RERG: variants seen among roughly 807,000 people sequenced by gnomAD.
RERG encodes the protein RAS like estrogen regulated growth inhibitor, also known as ras-related and estrogen-regulated growth inhibitor.
RERG carries 25 observed loss-of-function variants against 23.2 expected under a neutral mutation model. That is an observed-to-expected ratio of 1.08 (90% CI 0.79 to 1.50). The LOEUF (loss-of-function observed/expected upper bound fraction) is 1.50. Among genes scored for constraint, RERG ranks in the 40% most tolerant of loss-of-function variants. RERG has a pLI of 0.00. For missense variants in RERG, 253 were observed against 250.1 expected (o/e 1.01, Z -0.08); for synonymous variants, 81 against 89.1 (o/e 0.91, Z 0.51).
chr12:15,127,211 C>T (rs1863964364), intron 2 of RERG, among the ~76,000 whole-genome samples: 1 of 152,160 alleles, frequency 6.6e-6, no homozygotes, highest in South Asian at 2.1e-4. Context: ...GGTGAATGAT[C>T]TGAAGTCAGA....
At chr12:15,190,484 T>C (rs148371851) in intron 2 of RERG, among the ~76,000 whole-genome samples, 643 of 152,240 alleles carry the variant, frequency 4.2e-3, no homozygotes, top group Non-Finnish European at 7.3e-3. Context: ...GCAAATGTCA[T>C]TGGTAATGGG....
intron 2 of RERG, among the ~76,000 whole-genome samples, chr12:15,132,371 T>C (rs1251642371): frequency 6.6e-6 from 1 of 152,250 alleles, no homozygotes; most frequent in African/African-American, 2.4e-5. Context: ...TTGCCTGGAT[T>C]GATCACTTAT....
At chr12:15,182,545 C>T (rs2136129749) in intron 2 of RERG, among the ~76,000 whole-genome samples, 1 of 152,218 alleles carries the variant, frequency 6.6e-6, no homozygotes, top group South Asian at 2.1e-4. Flanking sequence ...AAGTACAGAT[C>T]TTATTTTTTC....
intron 2 of RERG, among the ~76,000 whole-genome samples, chr12:15,198,501 C>T (rs1458602359): frequency 3.9e-5 from 6 of 152,092 alleles, no homozygotes; most frequent in Non-Finnish European, 8.8e-5. Context: ...TATGTTGATA[C>T]TCAGCAATAT....
intron 2 of RERG, among the ~76,000 whole-genome samples, chr12:15,137,504 G>C (rs11056369): frequency 0.34 from 50,678 of 151,032 alleles, 9,411 homozygotes; most frequent in Non-Finnish European, 0.41. Context: ...CATTTTATTT[G>C]ATTCTATTTT....
intron 2 of RERG, among the ~76,000 whole-genome samples, chr12:15,160,147 T>C (rs559038430): frequency 1.3e-5 from 2 of 152,330 alleles, no homozygotes; most frequent in Non-Finnish European, 2.9e-5. Context: ...TACACTTCTA[T>C]ATATGTGCAT....
intron 2 of RERG, among the ~76,000 whole-genome samples, chr12:15,129,620 G>T (rs1473181024): frequency 6.6e-6 from 1 of 152,054 alleles, no homozygotes; most frequent in Non-Finnish European, 1.5e-5. Context: ...GAAGATTGAA[G>T]CTCACTATTT....
At chr12:15,216,277 A>G (rs573627295) in intron 2 of RERG, among the ~76,000 whole-genome samples, 1 of 152,330 alleles carries the variant, frequency 6.6e-6, no homozygotes, top group South Asian at 2.1e-4. Flanking sequence ...CTTGCCAACT[A>G]TCTATTTTCC....
chr12:15,202,597 C>T (rs775986565), intron 2 of RERG, among the ~76,000 whole-genome samples: 2 of 151,630 alleles, frequency 1.3e-5, no homozygotes, highest in Non-Finnish European at 3.0e-5. Flanking sequence ...TTTTCCAGGC[C>T]CATCCATGTT....
intron 2 of RERG, among the ~76,000 whole-genome samples, chr12:15,145,270 T>C (rs762120366): frequency 2.0e-5 from 3 of 152,216 alleles, no homozygotes; most frequent in Non-Finnish European, 4.4e-5. Context: ...TGTGGACTTA[T>C]ACCCCCTCCC....
chr12:15,133,801 T>TTA (rs1864096366), intron 2 of RERG, among the ~76,000 whole-genome samples: 1 of 149,636 alleles, frequency 6.7e-6, no homozygotes, highest in Admixed American at 6.7e-5. Flanking sequence ...CACATTCTAA[T>TTA]AATGTGTAGT....
rs869218147 is a variant in RERG, at chr12:15,110,463, C to CTTTTTTTTTTTTTTTTTTTTTTTTTT, written c.192+855_192+880dup. Among the ~76,000 whole-genome samples the CTTTTTTTTTTTTTTTTTTTTTTTTTT allele has an allele frequency of 5.5e-5, 4 of 73,082 alleles. 1 individual carries two copies. Among genetic ancestry groups the CTTTTTTTTTTTTTTTTTTTTTTTTTT allele is most frequent in the Non-Finnish European group, 7.3e-5 (3 of 41,064 alleles). 47.9% of individuals were successfully genotyped at this position (73,082 alleles called of 152,430 possible). A position where few individuals can be genotyped will look rare whatever the true frequency, so the allele number is the denominator to read the frequency against. On this transcript the variant is annotated intron_variant, in intron 4 of 4. Transcript: ENST00000256953. ...CTGTCATTCCAGTGGCCATTTTTTT[C>CTTTTTTTTTTTTTTTTTTTTTTTTTT]TTTTTTTTTTTTTTTTTTTTTTTTT...
intron 2 of RERG, among the ~76,000 whole-genome samples, chr12:15,202,348 C>A (rs950540300): frequency 1.3e-5 from 2 of 151,714 alleles, no homozygotes; most frequent in African/African-American, 4.8e-5. Context: ...AAGCGCACAA[C>A]ACCATATTGT....
At chr12:15,150,390 C>T (rs924704183) in intron 2 of RERG, among the ~76,000 whole-genome samples, 1 of 152,286 alleles carries the variant, frequency 6.6e-6, no homozygotes, top group Non-Finnish European at 1.5e-5. Flanking sequence ...AACATTGTAA[C>T]TTGCCGTGTG....
chr12:15,157,696 T>C (rs546918907), intron 2 of RERG, among the ~76,000 whole-genome samples: 3 of 152,246 alleles, frequency 2.0e-5, no homozygotes, highest in South Asian at 2.1e-4. Flanking sequence ...GGCTGCTTAT[T>C]TGAATAAGCC....
chr12:15,121,666 G>T (rs1863834673), intron 2 of RERG, among the ~76,000 whole-genome samples: 1 of 152,190 alleles, frequency 6.6e-6, no homozygotes, highest in African/African-American at 2.4e-5. Context: ...GTCAGGTTCT[G>T]GAACGATGCT....
At chr12:15,158,436 C>T (rs996014765) in intron 2 of RERG, among the ~76,000 whole-genome samples, 13 of 151,964 alleles carry the variant, frequency 8.6e-5, no homozygotes, top group Non-Finnish European at 1.5e-4. Context: ...CACACATCAC[C>T]ACACCTGGCT....
intron 2 of RERG, among the ~76,000 whole-genome samples, chr12:15,175,369 G>GTGTGTGTGTGTA (rs1864836002): frequency 6.7e-6 from 1 of 150,322 alleles, no homozygotes; most frequent in Non-Finnish European, 1.5e-5. Flanking sequence ...GTGTGTGTGT[G>GTGTGTGTGTGTA]TGTGTGTGTG....
intron 2 of RERG, among the ~76,000 whole-genome samples, chr12:15,156,000 AAAT>A (rs1474718037): frequency 3.7e-4 from 37 of 98,906 alleles, no homozygotes; most frequent in Admixed American, 1.3e-3. Context: ...TATAATAAAA[AAAT>A]ATATATATAT....
Sources: gnomAD v4.1 joint callset for allele counts (sites outside exome capture counted in the v4.1 genomes callset) on GRCh38, gnomAD v4.1.1 for gene constraint, MANE v1.5 for transcripts, NCBI Gene and HGNC (gene_info 2026-07-23, HGNC 2026-07-21) for gene names.